Variants in CHORDC1 observed in about 807,000 individuals in gnomAD.
CHORDC1 encodes the protein cysteine and histidine rich domain containing 1, also known as cysteine and histidine-rich domain-containing protein 1.
In CHORDC1, 25 loss-of-function variants were observed where a neutral mutation model predicts 48.3. The ratio of observed to expected loss-of-function variants is 0.52; its 90% CI spans 0.38 to 0.72. The LOEUF is 0.72. Among genes scored for constraint, CHORDC1 ranks in the 30% least tolerant of loss-of-function variants. The pLI is 0.00. For missense variants in CHORDC1, 317 were observed against 388.7 expected (o/e 0.82, Z 1.55); for synonymous variants, 128 against 126.4 (o/e 1.01, Z -0.09).
chr11:90,219,626 C>T (rs541204740), intron 1 of CHORDC1, among the ~76,000 whole-genome samples: 1 of 152,330 alleles, frequency 6.6e-6, no homozygotes, highest in African/African-American at 2.4e-5. Context: ...GCCTTAAGGA[C>T]ATGTTCATGC....
chr11:90,207,824 T>C (rs1200490538), intron 6 of CHORDC1: 1 of 134,158 alleles, frequency 7.5e-6, no homozygotes, highest in East Asian at 2.4e-4. Context: ...ATAGGACAAG[T>C]TGAACTAGCC....
chr11:90,202,795 T>A lies in CHORDC1; in HGVS notation c.852+18A>T, dbSNP rs757521571. The A allele has an allele frequency of 3.2e-6, 5 of 1,577,174 alleles. No homozygotes were observed. The African/African-American group carries it at 6.9e-5, about 22-fold the overall frequency. On this transcript the variant is annotated intron_variant, in intron 10 of 10. Transcript: ENST00000320585. ...TAAGTTATCAGAAAAAAAATTCTTA[T>A]AAATTTGTAATACTTACACCCCATA...
At chr11:90,215,047 G>C (rs1192405087) in intron 3 of CHORDC1, 127 bp downstream of exon 3, 1 of 467,756 alleles carries the variant, frequency 2.1e-6, no homozygotes, top group Non-Finnish European at 3.8e-6. Context: ...GCTGCTTTTT[G>C]AAAGGTGTTA....
chr11:90,207,759 T>TAAAAAAAA (rs1857736256), intron 6 of CHORDC1: 5 of 3,350 alleles, frequency 1.5e-3, no homozygotes, highest in Middle Eastern at 0.25. Context: ...ATGGTTAAAA[T>TAAAAAAAA]ACAAAAAAAA....
chr11:90,216,617 C>A, intron 2 of CHORDC1: 3 of 399,964 alleles, frequency 7.5e-6, no homozygotes, highest in Non-Finnish European at 1.4e-5. Context: ...GAGAGAGAAG[C>A]AAAAATACTT....
chr11:90,219,112 A>T (rs1858096070), intron 1 of CHORDC1, among the ~76,000 whole-genome samples: 1 of 152,084 alleles, frequency 6.6e-6, no homozygotes, highest in Non-Finnish European at 1.5e-5. Flanking sequence ...CTAAAAATAC[A>T]AAAATTAGCC....
chr11:90,212,782 C>T (rs547662486), intron 4 of CHORDC1: 3 of 147,092 alleles, frequency 2.0e-5, no homozygotes, highest in African/African-American at 7.5e-5. Context: ...CATGAGCACA[C>T]CACCAAACCC....
At chr11:90,222,759 G>T in intron 1 of CHORDC1, 132 bp downstream of exon 1, 1 of 834,878 alleles carries the variant, frequency 1.2e-6, no homozygotes, top group Non-Finnish European at 2.0e-6. Context: ...AGCCAAGGGA[G>T]GCCCAGGAGG....
chr11:90,203,466 C>G, intron 8 of CHORDC1, 39 bp from the exon 9 acceptor site: 1 of 1,488,808 alleles, frequency 6.7e-7, no homozygotes, highest in Non-Finnish European at 9.1e-7. Flanking sequence ...AAAAAAGTGC[C>G]ACATAATTAA....
Position 90,202,847 on chromosome 11 carries a change from T to A in CHORDC1, c.818A>T (p.Glu273Val), listed in dbSNP as rs768607345. The A allele has an allele frequency of 6.2e-7, 1 of 1,601,564 alleles. No homozygotes were observed. Among genetic ancestry groups the A allele is most frequent in the South Asian group, 1.1e-5 (1 of 88,570 alleles). Residue 273 changes from glutamate (E) to valine (V), a missense_variant, in exon 10 of 11, where the codon GAG becomes GTG. By Grantham distance (121) the Glu-to-Val change is moderately radical. Transcript: ENST00000320585. Reference sequence around the variant, plus strand: ...TTTCACATTTTGATCAAATTCCTTCTCTCCTTCAAATACAATATGCACATT... The same window carrying A: ...TTTCACATTTTGATCAAATTCCTTCACTCCTTCAAATACAATATGCACATT... ...LLNVHIVFEG[E>V]KEFDQNVKLW...
rs1355195299 is a variant in CHORDC1 at position 90,200,664 on chromosome 11, A to G, written c.*1741T>C. On this transcript the variant is annotated 3_prime_UTR_variant, in exon 11 of 11. Transcript: ENST00000320585. Reference sequence around the variant, plus strand: ...CATATGTATGTGTGTGTGTGTGTGTATAAATCAATGTTTTGATCAATGTAA... The same window carrying G: ...CATATGTATGTGTGTGTGTGTGTGTGTAAATCAATGTTTTGATCAATGTAA... Among the ~76,000 whole-genome samples, 4 of 147,884 alleles carry G rather than the reference A, an allele frequency of 2.7e-5. No individual in the cohort carries two copies. Among genetic ancestry groups the G allele is most frequent in the Non-Finnish European group, 6.0e-5 (4 of 66,588 alleles).
At position 90,204,423 on chromosome 11, in the gene CHORDC1, A is replaced by G. The variant is rs554040044; in HGVS notation, c.670-996T>C. 7.4e-5 allele frequency among the ~76,000 whole-genome samples: 11 copies of G among 147,836 alleles called. No individual in the cohort carries two copies. The South Asian group carries it at 2.4e-3, about 32-fold the overall frequency. On this transcript the variant is annotated intron_variant, in intron 8 of 10. Transcript: ENST00000320585. Reference sequence around the variant, plus strand: ...TTTTTATAATATCCAACCATGTGTTATTAAAAAGCAACTAGGGCCAGGCGC... The same window carrying G: ...TTTTTATAATATCCAACCATGTGTTGTTAAAAAGCAACTAGGGCCAGGCGC...
At chr11:90,205,975 G>C in intron 7 of CHORDC1, 1 of 536,702 alleles carries the variant, frequency 1.9e-6, no homozygotes, top group Non-Finnish European at 3.3e-6. Context: ...AAAACAGGCA[G>C]TTTATATCAC....
intron 3 of CHORDC1, 82 bp from the exon 4 acceptor site, chr11:90,214,257 T>C: frequency 2.9e-6 from 3 of 1,041,792 alleles, no homozygotes; most frequent in Non-Finnish European, 4.0e-6. Flanking sequence ...TCTTTATTGA[T>C]AGTGATTCTA....
At chr11:90,206,339 C>T in intron 6 of CHORDC1, 67 bp from the exon 7 acceptor site, 1 of 888,916 alleles carries the variant, frequency 1.1e-6, no homozygotes, top group East Asian at 2.4e-5. Flanking sequence ...TACATATTTG[C>T]AGTATTGGTG....
chr11:90,211,454 G>T, intron 4 of CHORDC1, 136 bp from the exon 5 acceptor site: 1 of 621,148 alleles, frequency 1.6e-6, no homozygotes, highest in Non-Finnish European at 2.9e-6. Context: ...AAGGTTAAAA[G>T]GTATTTTATA....
rs975658674 is a variant in CHORDC1, at chr11:90,222,587, A to G, written c.64+304T>C. 3.9e-5 allele frequency: 24 copies of G among 612,854 alleles called. 1 individual carries two copies. The highest frequency in any genetic ancestry group is 7.0e-5 in the Non-Finnish European group (23 of 330,000). The allele number at this position is 612,854 out of a possible 1,614,324, so 38.0% of individuals were successfully genotyped here. On this transcript the variant is annotated intron_variant, in intron 1 of 10. Transcript: ENST00000320585. ...GCCAGAGGAGAAACGTGTTCGTTCTAAATTCCAGGCGACTTAAAAGGAGTG... is the reference window on the plus strand; with the variant it reads ...GCCAGAGGAGAAACGTGTTCGTTCTGAATTCCAGGCGACTTAAAAGGAGTG...
Position 90,205,540 on chromosome 11 carries a change from T to G in CHORDC1, c.589A>C (p.Arg197=), listed in dbSNP as rs1252117511. 1 of 1,598,316 alleles carries G rather than the reference T, an allele frequency of 6.3e-7. No homozygotes were observed. Among genetic ancestry groups the G allele is most frequent in the African/African-American group, 1.4e-5 (1 of 73,920 alleles). ...AATGTATTAAAATCAGAAGTTTTTC[T>G]TCTACAACAGCTCCAGTATTTCATC... ...EGMKYWSCCR[R]KTSDFNTFLA... is the part of the protein sequence containing the mutation. Residue 197 remains arginine, a synonymous_variant, in exon 8 of 11, where the codon AGA becomes CGA. Transcript: ENST00000320585.
At chr11:90,222,784 G>T in intron 1 of CHORDC1, 107 bp downstream of exon 1, 2 of 1,050,274 alleles carry the variant, frequency 1.9e-6, no homozygotes, top group Non-Finnish European at 2.9e-6. Context: ...TGGACCTGGG[G>T]CCGCGCGAGG....
Sources: gnomAD v4.1 joint callset for allele counts (sites outside exome capture counted in the v4.1 genomes callset) on GRCh38, gnomAD v4.1.1 for gene constraint, MANE v1.5 for transcripts, NCBI Gene and HGNC (gene_info 2026-07-23, HGNC 2026-07-21) for gene names.